TMEM116: variants seen among roughly 807,000 people sequenced by gnomAD.
TMEM116 encodes transmembrane protein 116.
Under a neutral mutation model 44.3 loss-of-function variants are expected in TMEM116, and 38 were observed. The ratio of observed to expected loss-of-function variants is 0.86; its 90% confidence interval spans 0.66 to 1.12. TMEM116 has a LOEUF of 1.12. Ranked by LOEUF, TMEM116 falls within the 50% of genes most tolerant of loss-of-function variation. The pLI is 0.00. For missense variants in TMEM116, 354 were observed against 401.7 expected, an observed-to-expected ratio of 0.88 and a Z score of 1.01; for synonymous variants, 132 against 144.8, an observed-to-expected ratio of 0.91 and a Z score of 0.64.
At chr12:111,964,569 AT>A (rs1365436812) in intron 4 of TMEM116, among the ~76,000 whole-genome samples, 3 of 152,100 alleles carry the variant, frequency 2.0e-5, no homozygotes, top group Admixed American at 6.6e-5. Context: ...CACGAACCAA[AT>A]TTTTTTTCCT....
chr12:111,960,379 C>A (rs2074484858), intron 4 of TMEM116, among the ~76,000 whole-genome samples: 1 of 149,752 alleles, frequency 6.7e-6, no homozygotes, highest in Admixed American at 6.7e-5. Context: ...GTAGTACCAG[C>A]TACTTGGAAG....
intron 4 of TMEM116, among the ~76,000 whole-genome samples, chr12:111,961,601 CTT>C (rs2074592768): frequency 6.6e-6 from 1 of 152,156 alleles, no homozygotes; most frequent in Non-Finnish European, 1.5e-5. Context: ...CAGAAAAGGA[CTT>C]TGACAAAATT....
chr12:111,968,528 C>A (rs2075115036), intron 4 of TMEM116, among the ~76,000 whole-genome samples: 1 of 152,050 alleles, frequency 6.6e-6, no homozygotes. Flanking sequence ...GATTACCAGT[C>A]ATACAAAGAA....
chr12:112,008,919 G>A (rs1254941526), intron 1 of TMEM116, among the ~76,000 whole-genome samples: 1 of 150,056 alleles, frequency 6.7e-6, no homozygotes, highest in African/African-American at 2.5e-5. Flanking sequence ...AGGTTGCAGT[G>A]AGCCAAGATC....
intron 3 of TMEM116, chr12:112,000,851 C>A: frequency 2.1e-6 from 1 of 471,190 alleles, no homozygotes. Context: ...TAATTCCTGG[C>A]TCCTCCCCGA....
At chr12:111,951,481 C>A (rs1224077418) in intron 4 of TMEM116, among the ~76,000 whole-genome samples, 3 of 152,110 alleles carry the variant, frequency 2.0e-5, no homozygotes, top group Admixed American at 6.5e-5. Flanking sequence ...GAATACCATA[C>A]AGTCATAAAA....
At chr12:111,991,525 A>AGG (rs34980599) in intron 4 of TMEM116, among the ~76,000 whole-genome samples, 1 of 131,310 alleles carries the variant, frequency 7.6e-6, no homozygotes, top group African/African-American at 3.0e-5. Context: ...TCTGTCTCAG[A>AGG]AAAAAAAAAA....
intron 4 of TMEM116, chr12:111,965,804 C>A (rs1271115692): frequency 1.2e-5 from 4 of 324,852 alleles, no homozygotes; most frequent in Non-Finnish European, 2.4e-5. Context: ...GGCATGGTGG[C>A]GTATGCCTGT....
intron 4 of TMEM116, among the ~76,000 whole-genome samples, chr12:111,962,274 C>T (rs192751777): frequency 6.7e-6 from 1 of 149,852 alleles, no homozygotes; most frequent in Admixed American, 6.6e-5. Flanking sequence ...CTATCCCCAT[C>T]AAGCTACCAC....
Position 111,939,878 on chromosome 12 carries a change from C to CTGTGTG in TMEM116, c.316-1669_316-1668insCACACA, listed in dbSNP as rs1491148442. Among the ~76,000 whole-genome samples, 10 of 110,832 alleles carry CTGTGTG rather than the reference C, an allele frequency of 9.0e-5. No homozygotes were observed. In the Admixed American group the frequency reaches 9.8e-4, roughly 11 times the overall value. The allele number at this position is 110,832 out of a possible 152,430, so 72.7% of individuals were successfully genotyped here. On this transcript the variant is annotated intron_variant, in intron 5 of 10. Coordinates refer to ENST00000552374, the MANE Select transcript of TMEM116 (RefSeq NM_001193531.2). ...CAAAGAAGAAAAAGTATCTTCAAAG[C>CTGTGTG]TCTGTGTGTGTGTGTGTGTGTGTGT...
At chr12:111,993,017 A>G (rs2076705479) in intron 3 of TMEM116, 2 of 163,242 alleles carry the variant, frequency 1.2e-5, no homozygotes, top group South Asian at 1.7e-4. Context: ...CACACCTGGC[A>G]TGGGTGAACT....
chr12:111,937,676 C>T (rs73426346), intron 6 of TMEM116, among the ~76,000 whole-genome samples: 56 of 152,266 alleles, frequency 3.7e-4, no homozygotes, highest in African/African-American at 1.3e-3. Flanking sequence ...AGCTATTTAT[C>T]CTGCTAAATA....
intron 4 of TMEM116, among the ~76,000 whole-genome samples, chr12:111,985,835 G>A (rs545526800): frequency 1.3e-5 from 2 of 152,170 alleles, no homozygotes; most frequent in African/African-American, 2.4e-5. Context: ...GGGCTCATGC[G>A]ATCTGCCTGC....
In TMEM116 at chr12:111,991,894, C is replaced by G. The variant is rs1168885598; in HGVS notation, c.79-5G>C. ...CAGATAAAAAAGTGGTCTTATCTGT[C>G]AAAGTAATAAAATCCTCATTTCATA... On this transcript the variant is annotated splice_region_variant and splice_polypyrimidine_tract_variant and intron_variant, in intron 3 of 10. Coordinates refer to ENST00000552374, the MANE Select transcript of TMEM116 (RefSeq NM_001193531.2). The G allele has an allele frequency of 4.6e-6, 7 of 1,533,930 alleles. No individual in the cohort carries two copies. Among genetic ancestry groups the G allele is most frequent in the African/African-American group, 1.4e-5 (1 of 73,050 alleles).
At chr12:111,996,929 C>G (rs191622739) in intron 3 of TMEM116, among the ~76,000 whole-genome samples, 60 of 152,246 alleles carry the variant, frequency 3.9e-4, no homozygotes, top group Admixed American at 3.7e-3. Context: ...TAAAACAATA[C>G]GTACAAAAAT....
intron 4 of TMEM116, among the ~76,000 whole-genome samples, chr12:111,965,980 C>T (rs1292822371): frequency 6.6e-6 from 1 of 151,560 alleles, no homozygotes; most frequent in Non-Finnish European, 1.5e-5. Context: ...AGATAAAGAT[C>T]CATTTAAAAC....
intron 4 of TMEM116, among the ~76,000 whole-genome samples, chr12:111,990,410 C>T (rs1364035935): frequency 1.3e-5 from 2 of 152,128 alleles, no homozygotes; most frequent in Non-Finnish European, 2.9e-5. Context: ...CTAATACAGA[C>T]TTTTCTGATC....
chr12:111,958,847 G>A (rs1484703766), intron 4 of TMEM116, among the ~76,000 whole-genome samples: 3 of 152,254 alleles, frequency 2.0e-5, no homozygotes, highest in Admixed American at 1.3e-4. Context: ...ATGGGACTAC[G>A]TGAAAAGACC....
At chr12:111,947,432 T>C (rs1445296884) in intron 4 of TMEM116, among the ~76,000 whole-genome samples, 2 of 152,218 alleles carry the variant, frequency 1.3e-5, no homozygotes, top group Admixed American at 6.5e-5. Flanking sequence ...TTACTTGAGA[T>C]GTCAAATTAT....
Sources: gnomAD v4.1 joint callset for allele counts (sites outside exome capture counted in the v4.1 genomes callset) on GRCh38, gnomAD v4.1.1 for gene constraint, MANE v1.5 for transcripts, NCBI Gene and HGNC (gene_info 2026-07-23, HGNC 2026-07-21) for gene names.